Variants in BAIAP2 observed in about 807,000 individuals in gnomAD.
The protein encoded by BAIAP2 is BAR/IMD domain containing adaptor protein 2.
In BAIAP2, 18 loss-of-function variants were observed where a neutral mutation model predicts 63.0. The observed-to-expected ratio is 0.29, with a 90% CI of 0.20 to 0.42. The LOEUF is 0.42. BAIAP2 is among the 10% of genes least tolerant of loss of function. The probability of loss-of-function intolerance (pLI) is 1.00; values close to 1 mark genes in which losing one functional copy is unlikely to be tolerated. For synonymous variants in BAIAP2, 386 were observed against 307.6 expected (o/e 1.25, Z -2.67); for missense variants, 610 against 734.3 (o/e 0.83, Z 1.96).
chr17:81,101,635 G>GCACACA (rs57194901), intron 7 of BAIAP2, among the ~76,000 whole-genome samples: 10 of 151,614 alleles, frequency 6.6e-5, no homozygotes, highest in African/African-American at 2.4e-4. Context: ...GCGCGTGCGT[G>GCACACA]CACACACACA....
intron 10 of BAIAP2, chr17:81,105,187 AATGGCTCGGGTCTCCCCCAC>A (rs1225650845): frequency 6.7e-6 from 1 of 149,812 alleles, no homozygotes; most frequent in African/African-American, 2.5e-5. Flanking sequence ...GTCTCCCCCC[AATGGCTCGGGTCTCCCCCAC>A]ATGGCTGTTG....
chr17:81,089,425 C>T (rs1047656261), intron 6 of BAIAP2, among the ~76,000 whole-genome samples: 1 of 152,210 alleles, frequency 6.6e-6, no homozygotes, highest in Non-Finnish European at 1.5e-5. Context: ...ACGGTCTGGG[C>T]AAGGGGCCGC....
At position 81,110,377 on chromosome 17, in the gene BAIAP2, C is replaced by T. The variant is rs1428816846; in HGVS notation, c.1535+1868C>T. On this transcript the variant is annotated intron_variant, in intron 13 of 13. Transcript: ENST00000428708. ...TCCATGCTCAATGGATGAATGTAGA[C>T]ACAAAACAGCAACACTTGTATGAAG... 3.0e-6 allele frequency: 3 copies of T among 987,158 alleles called. No homozygotes were observed. The African/African-American group carries it at 5.2e-5, about 17-fold the overall frequency. The allele number at this position is 987,158 out of a possible 1,614,324, so 61.1% of individuals were successfully genotyped here.
chr17:81,098,384 T>C (rs1342819338), intron 6 of BAIAP2, among the ~76,000 whole-genome samples: 1 of 152,088 alleles, frequency 6.6e-6, no homozygotes, highest in Admixed American at 6.5e-5. Context: ...AGCTACAGTT[T>C]CTTGGTCTGG....
At chr17:81,057,144 C>T (rs1041018884) in intron 2 of BAIAP2, among the ~76,000 whole-genome samples, 6 of 152,182 alleles carry the variant, frequency 3.9e-5, no homozygotes, top group South Asian at 4.1e-4. Flanking sequence ...GGCCCTGCCC[C>T]GCCCTTTCTG....
chr17:81,060,264 C>G (rs1019625567), intron 3 of BAIAP2, among the ~76,000 whole-genome samples: 2 of 152,106 alleles, frequency 1.3e-5, no homozygotes, highest in Non-Finnish European at 2.9e-5. Flanking sequence ...CAACCATTGC[C>G]CCATCTAACT....
chr17:81,043,251 C>G (rs774631206), intron 1 of BAIAP2, among the ~76,000 whole-genome samples: 14 of 152,236 alleles, frequency 9.2e-5, no homozygotes, highest in Non-Finnish European at 1.8e-4. Flanking sequence ...CCCCCATACC[C>G]GTTTTTCCAG....
intron 3 of BAIAP2, 115 bp from the exon 4 acceptor site, chr17:81,084,717 C>A (rs915785790): frequency 1.1e-4 from 106 of 983,094 alleles, no homozygotes; most frequent in Admixed American, 2.4e-4. Flanking sequence ...CCCCGGGGGC[C>A]CTGCTGCCTG....
At chr17:81,084,973 C>T in intron 4 of BAIAP2, 80 bp downstream of exon 4, 1 of 1,411,472 alleles carries the variant, frequency 7.1e-7, no homozygotes, top group East Asian at 2.3e-5. Flanking sequence ...GCCGTGTGTC[C>T]ACTTGGGAAC....
chr17:81,101,119 C>A (rs1568171340), intron 7 of BAIAP2, among the ~76,000 whole-genome samples: 1 of 152,128 alleles, frequency 6.6e-6, no homozygotes, highest in Admixed American at 6.5e-5. Context: ...CCTGTGTCTC[C>A]CGCTAGGCGT....
intron 1 of BAIAP2, among the ~76,000 whole-genome samples, chr17:81,047,196 G>A (rs749259822): frequency 3.3e-5 from 5 of 152,198 alleles, no homozygotes; most frequent in Non-Finnish European, 5.9e-5. Context: ...TGCAACACCA[G>A]GACCAATTGG....
At chr17:81,055,754 ACGGGGTTTCAC>A (rs2049440587) in intron 2 of BAIAP2, among the ~76,000 whole-genome samples, 1 of 151,160 alleles carries the variant, frequency 6.6e-6, no homozygotes, top group Non-Finnish European at 1.5e-5. Flanking sequence ...TTTAGTAGAG[ACGGGGTTTCAC>A]TGTGTTAGCC....
chr17:81,096,297 A>G (rs1440719266), intron 6 of BAIAP2, among the ~76,000 whole-genome samples: 2 of 152,148 alleles, frequency 1.3e-5, no homozygotes, highest in East Asian at 1.9e-4. Flanking sequence ...ACCGCTGGAA[A>G]AGTCCCCAGG....
At chr17:81,042,114 T>C (rs1266633497) in intron 1 of BAIAP2, among the ~76,000 whole-genome samples, 1 of 149,920 alleles carries the variant, frequency 6.7e-6, no homozygotes, top group Admixed American at 6.7e-5. Context: ...TTTTTGTTAC[T>C]GGCACTTTTT....
chr17:81,108,543 T>C (rs910008879), intron 13 of BAIAP2, 34 bp downstream of exon 13: 6 of 1,613,352 alleles, frequency 3.7e-6, no homozygotes, highest in Non-Finnish European at 5.1e-6. Context: ...TTTGGGACCG[T>C]GGGTGGGTGT....
chr17:81,110,166 G>A, intron 13 of BAIAP2: 1 of 985,666 alleles, frequency 1.0e-6, no homozygotes, highest in Non-Finnish European at 1.2e-6. Flanking sequence ...TATCTGATGT[G>A]GTTTAGTAAA....
chr17:81,036,932 A>G (rs1053868986), intron 1 of BAIAP2: 1 of 1,535,940 alleles, frequency 6.5e-7, no homozygotes, highest in East Asian at 2.4e-5. Context: ...ACCAGAAAGC[A>G]GGAACTTTCG....
chr17:81,047,183 A>T (rs1188177339), intron 1 of BAIAP2, among the ~76,000 whole-genome samples: 1 of 152,180 alleles, frequency 6.6e-6, no homozygotes, highest in Non-Finnish European at 1.5e-5. Flanking sequence ...GGAGCATGTC[A>T]GGTGCAACAC....
chr17:81,089,882 C>A (rs1414886852), intron 6 of BAIAP2, among the ~76,000 whole-genome samples: 4 of 152,178 alleles, frequency 2.6e-5, no homozygotes, highest in African/African-American at 9.7e-5. Context: ...GGTGGCCCAG[C>A]AGCCCCCTTG....
Sources: gnomAD v4.1 joint callset for allele counts (sites outside exome capture counted in the v4.1 genomes callset) on GRCh38, gnomAD v4.1.1 for gene constraint, MANE v1.5 for transcripts, NCBI Gene and HGNC (gene_info 2026-07-23, HGNC 2026-07-21) for gene names.